PLGRKT: variants seen among roughly 807,000 people sequenced by gnomAD.
PLGRKT encodes plasminogen receptor with a C-terminal lysine.
PLGRKT carries 22 observed loss-of-function variants against 18.5 expected under a neutral mutation model. That is an observed-to-expected ratio of 1.19 (90% CI 0.85 to 1.70). PLGRKT has a LOEUF of 1.70. Among genes scored for constraint, PLGRKT ranks in the 40% most tolerant of loss-of-function variants. PLGRKT has a pLI of 0.00. For missense variants in PLGRKT, 235 were observed against 174.4 expected (o/e 1.35, Z -1.96); for synonymous variants, 72 against 52.8 (o/e 1.36, Z -1.58).
chr9:5,435,336 A>AG (rs1818938852), intron 2 of PLGRKT, among the ~76,000 whole-genome samples: 1 of 150,202 alleles, frequency 6.7e-6, no homozygotes, highest in African/African-American at 2.5e-5. Context: ...AAAAAAAAAA[A>AG]AAGAAGAAGA....
At chr9:5,407,775 G>A (rs1249075546) in intron 3 of PLGRKT, among the ~76,000 whole-genome samples, 1 of 152,160 alleles carries the variant, frequency 6.6e-6, no homozygotes, top group East Asian at 1.9e-4. Flanking sequence ...AGTTAGATAG[G>A]ATCTTGAAAT....
At chr9:5,426,721 C>T (rs941832833) in intron 3 of PLGRKT, among the ~76,000 whole-genome samples, 2 of 152,210 alleles carry the variant, frequency 1.3e-5, no homozygotes, top group African/African-American at 4.8e-5. Flanking sequence ...TGCTCTTTAG[C>T]TGGGCCATTT....
intron 3 of PLGRKT, among the ~76,000 whole-genome samples, chr9:5,399,969 G>T (rs143060118): frequency 6.6e-6 from 1 of 151,556 alleles, no homozygotes; most frequent in African/African-American, 2.4e-5. Context: ...CAGTCTGGGC[G>T]ACAGAGTGAG....
At chr9:5,373,790 G>GA (rs1354509808) in intron 3 of PLGRKT, among the ~76,000 whole-genome samples, 31 of 149,992 alleles carry the variant, frequency 2.1e-4, no homozygotes, top group Admixed American at 4.0e-4. Context: ...AAAAGAAAAA[G>GA]AAGAAAAAAA....
At chr9:5,384,148 T>C (rs1817798222) in intron 3 of PLGRKT, among the ~76,000 whole-genome samples, 2 of 152,250 alleles carry the variant, frequency 1.3e-5, no homozygotes, top group South Asian at 4.1e-4. Flanking sequence ...CATATATCCC[T>C]AGGTTAAAGT....
chr9:5,418,702 C>T lies in PLGRKT; in HGVS notation c.81+13195G>A, dbSNP rs554621608. 420 of 663,170 alleles carry T rather than the reference C, an allele frequency of 6.3e-4. 2 individuals are homozygous for T. Among genetic ancestry groups the T allele is most frequent in the Non-Finnish European group, 1.0e-3 (368 of 356,134 alleles). 41.1% of individuals were successfully genotyped at this position (663,170 alleles called of 1,614,324 possible). On this transcript the variant is annotated intron_variant, in intron 3 of 5. Transcript: ENST00000223864. The surrounding 1 kb of genome is among the most constrained non-coding windows in gnomAD (Gnocchi z 4.2). ...CATGTAGCACCCACTGCCGGGAAGT[C>T]TGATGAAGACCGGCATGTGCTCCGA...
chr9:5,410,456 G>C (rs1301753957), intron 3 of PLGRKT, among the ~76,000 whole-genome samples: 1 of 148,522 alleles, frequency 6.7e-6, no homozygotes, highest in African/African-American at 2.5e-5. Flanking sequence ...CCAAGATCGT[G>C]CCACTGCACA....
At chr9:5,391,658 G>C (rs184009853) in intron 3 of PLGRKT, among the ~76,000 whole-genome samples, 1 of 151,944 alleles carries the variant, frequency 6.6e-6, no homozygotes, top group Non-Finnish European at 1.5e-5. Context: ...ATTGAGGCAA[G>C]AGTAAGGCTA....
chr9:5,403,837 C>A (rs1228178029), intron 3 of PLGRKT, among the ~76,000 whole-genome samples: 4 of 152,168 alleles, frequency 2.6e-5, no homozygotes, highest in African/African-American at 9.7e-5. Context: ...GAAGGAAATA[C>A]CATTTCTATG....
intron 3 of PLGRKT, among the ~76,000 whole-genome samples, chr9:5,386,568 T>C (rs1362892513): frequency 6.6e-6 from 1 of 151,784 alleles, no homozygotes; most frequent in Non-Finnish European, 1.5e-5. Flanking sequence ...TGGCCTCAAT[T>C]AAAGAGGCCA....
intron 3 of PLGRKT, among the ~76,000 whole-genome samples, chr9:5,398,805 G>A (rs139489342): frequency 0.012 from 1,807 of 151,956 alleles, 59 homozygotes; most frequent in African/African-American, 0.042. Context: ...ACCAAGTAGT[G>A]ATGGGGTCAG....
intron 3 of PLGRKT, among the ~76,000 whole-genome samples, chr9:5,410,295 G>T (rs1275741157): frequency 6.6e-6 from 1 of 152,068 alleles, no homozygotes; most frequent in African/African-American, 2.4e-5. Flanking sequence ...CGGCACTTTG[G>T]GAGGCTGAGT....
rs1453519889 is a variant in PLGRKT at position 5,387,534 on chromosome 9, A to AT, written c.82-25647_82-25646insA. ...TCACAGATGTAATGTTGAATTAAGA[A>AT]AACAGACATAATAAAGTATATACCA... On this transcript the variant is annotated intron_variant, in intron 3 of 5. Transcript: ENST00000223864. 4.6e-5 allele frequency among the ~76,000 whole-genome samples: 7 copies of AT among 152,094 alleles called. No individual in the cohort carries two copies. The East Asian group carries it at 1.3e-3, about 29-fold the overall frequency.
chr9:5,364,084 G>A (rs938029626), intron 3 of PLGRKT, among the ~76,000 whole-genome samples: 5 of 152,152 alleles, frequency 3.3e-5, no homozygotes, highest in Non-Finnish European at 7.3e-5. Flanking sequence ...GTCCAGACTG[G>A]TTCTAAACCT....
At chr9:5,391,236 AAAATAAGATT>A (rs1450268436) in intron 3 of PLGRKT, among the ~76,000 whole-genome samples, 1 of 152,022 alleles carries the variant, frequency 6.6e-6, no homozygotes, top group African/African-American at 2.4e-5. Flanking sequence ...GTGCTAAGTC[AAAATAAGATT>A]ATTTATCTTT....
chr9:5,418,412 T>C lies in PLGRKT; in HGVS notation c.81+13485A>G, dbSNP rs1266115664. On this transcript the variant is annotated intron_variant, in intron 3 of 5. Transcript: ENST00000223864. The surrounding 1 kb of genome is among the most constrained non-coding windows in gnomAD (Gnocchi z 4.2). The stretch of plus-strand genomic sequence containing the variant: ...GTCAAGCGCTTAGAAATGCAGGACA[T>C]GTTATGGAGCACGATGCTGAGGAGG... 4 of 844,362 alleles carry C rather than the reference T, an allele frequency of 4.7e-6. No individual in the cohort carries two copies. Among genetic ancestry groups the C allele is most frequent in the Admixed American group, 3.5e-5 (2 of 56,898 alleles). The allele number at this position is 844,362 out of a possible 1,614,324, so 52.3% of individuals were successfully genotyped here. A position where few individuals can be genotyped will look rare whatever the true frequency, so the allele number is the denominator to read the frequency against.
intron 3 of PLGRKT, among the ~76,000 whole-genome samples, chr9:5,367,275 C>A (rs901859713): frequency 6.6e-6 from 1 of 152,036 alleles, no homozygotes; most frequent in Non-Finnish European, 1.5e-5. Flanking sequence ...CAAAAAAAGT[C>A]CAAATAGATA....
chr9:5,379,681 T>C (rs997773181), intron 3 of PLGRKT, among the ~76,000 whole-genome samples: 3 of 152,144 alleles, frequency 2.0e-5, no homozygotes, highest in South Asian at 4.1e-4. Flanking sequence ...TTATGAAAAA[T>C]GTTGAACTTC....
chr9:5,360,193 G>C (rs922529662), intron 5 of PLGRKT, among the ~76,000 whole-genome samples: 1 of 152,202 alleles, frequency 6.6e-6, no homozygotes, highest in African/African-American at 2.4e-5. Flanking sequence ...TTCAATATTA[G>C]AAGAATATTT....
Sources: gnomAD v4.1 joint callset for allele counts (sites outside exome capture counted in the v4.1 genomes callset) on GRCh38, gnomAD v4.1.1 for gene constraint, Gnocchi (gnomAD v3.1) non-coding constraint, MANE v1.5 for transcripts, NCBI Gene and HGNC (gene_info 2026-07-23, HGNC 2026-07-21) for gene names.